The following FHIP1A variants were observed in gnomAD, a reference collection of about 807,000 sequenced individuals.
FHIP1A encodes the protein FHF complex subunit HOOK-interacting protein 1A.
FHIP1A carries 61 observed loss-of-function variants against 88.6 expected under a neutral mutation model. That is an observed-to-expected ratio of 0.69 (90% CI 0.56 to 0.85). The LOEUF is 0.85. FHIP1A is among the 40% of genes least tolerant of loss of function. FHIP1A has a pLI of 0.00. For synonymous variants in FHIP1A, 478 were observed against 496.0 expected (o/e 0.96, Z 0.48); for missense variants, 1,154 against 1,273.5 (o/e 0.91, Z 1.43).
intron 3 of FHIP1A, among the ~76,000 whole-genome samples, chr4:151,502,557 C>T (rs1406527582): frequency 6.6e-6 from 1 of 152,086 alleles, no homozygotes; most frequent in Non-Finnish European, 1.5e-5. Flanking sequence ...CAACAGGAAT[C>T]ACCCAATCTG....
chr4:151,471,781 C>G (rs1729521380), intron 2 of FHIP1A, among the ~76,000 whole-genome samples: 1 of 152,094 alleles, frequency 6.6e-6, no homozygotes, highest in Non-Finnish European at 1.5e-5. Flanking sequence ...CACCCATTCC[C>G]CCTGAGTCCC....
intron 2 of FHIP1A, among the ~76,000 whole-genome samples, chr4:151,460,110 T>C (rs1323612817): frequency 1.3e-5 from 2 of 152,156 alleles, no homozygotes; most frequent in African/African-American, 4.8e-5. Flanking sequence ...CTTTTTGATA[T>C]TTGAGGATAC....
At chr4:151,450,904 A>G (rs1367384799) in intron 1 of FHIP1A, among the ~76,000 whole-genome samples, 2 of 151,836 alleles carry the variant, frequency 1.3e-5, no homozygotes, top group African/African-American at 2.4e-5. Flanking sequence ...CAGCCTCCCA[A>G]GTAGTTGGGA....
chr4:151,638,671 TC>T lies in FHIP1A; in HGVS notation c.1147-3del. 1 of 1,540,440 alleles carries T rather than the reference TC, an allele frequency of 6.5e-7. No homozygotes were observed. The highest frequency in any genetic ancestry group is 8.8e-7 in the Non-Finnish European group (1 of 1,137,944). On this transcript the variant is annotated splice_region_variant and splice_polypyrimidine_tract_variant and intron_variant, in intron 8 of 13. Coordinates refer to ENST00000435205, the MANE Select transcript of FHIP1A (RefSeq NM_001109977.3). ...TGAACTAGAATGTGTGTCTCTTGCT[TC>T]CCAGCTTTGTGTGGTGTCTCTGGCA...
At chr4:151,429,150 A>G (rs1561490964) in intron 1 of FHIP1A, among the ~76,000 whole-genome samples, 1 of 148,318 alleles carries the variant, frequency 6.7e-6, no homozygotes, top group East Asian at 2.0e-4. Context: ...TTTTTTTCCC[A>G]TTAGACTTAC....
rs760512412 is a variant in FHIP1A, at chr4:151,594,863, G to A, written c.978+5937G>A. ...GCTGGGATTACAGGTGTGAGCCACC[G>A]CACCCAGCCACCTTTGTCATTTTTT... is the stretch of plus-strand genomic sequence containing the variant. On this transcript the variant is annotated intron_variant, in intron 7 of 13. Transcript: ENST00000435205. 5.3e-5 allele frequency among the ~76,000 whole-genome samples: 8 copies of A among 152,008 alleles called. No individual in the cohort carries two copies. The South Asian group carries it at 6.2e-4, about 12-fold the overall frequency.
chr4:151,571,177 C>T (rs888448552), intron 4 of FHIP1A, among the ~76,000 whole-genome samples: 21 of 152,218 alleles, frequency 1.4e-4, no homozygotes, highest in Non-Finnish European at 2.5e-4. Flanking sequence ...TCCTTTCAAG[C>T]ATTGAATTCC....
chr4:151,631,930 TAGTA>T (rs1471456702), intron 8 of FHIP1A, among the ~76,000 whole-genome samples: 20 of 152,090 alleles, frequency 1.3e-4, no homozygotes, highest in Non-Finnish European at 1.5e-5. Context: ...AAAATGGAAA[TAGTA>T]AGTCCTTCCA....
chr4:151,610,754 C>T (rs1419959148), intron 7 of FHIP1A, among the ~76,000 whole-genome samples: 1 of 152,138 alleles, frequency 6.6e-6, no homozygotes, highest in African/African-American at 2.4e-5. Context: ...TGCATGCCAC[C>T]TCCCAGATTC....
intron 1 of FHIP1A, among the ~76,000 whole-genome samples, chr4:151,411,141 T>C (rs1732621795): frequency 6.6e-6 from 1 of 152,196 alleles, no homozygotes; most frequent in South Asian, 2.1e-4. Context: ...TATTTTTACA[T>C]AGTCAGAGTG....
chr4:151,508,122 A>G (rs959514969), intron 3 of FHIP1A, among the ~76,000 whole-genome samples: 4 of 152,212 alleles, frequency 2.6e-5, no homozygotes, highest in African/African-American at 9.6e-5. Flanking sequence ...CAGAGATGGA[A>G]CTAGGTAGAT....
chr4:151,556,803 G>A (rs1732963207), intron 3 of FHIP1A, among the ~76,000 whole-genome samples: 1 of 152,108 alleles, frequency 6.6e-6, no homozygotes. Flanking sequence ...GTTTCCACCA[G>A]CCGCTCTCAT....
rs2126805346 is a variant in FHIP1A at position 151,586,706 on chromosome 4, G to A, written c.798G>A (p.Glu266=). ...CTACAAAGCTAGAAGAGAAAGGCGA[G>A]GAATGGCACTGCCTTCTGAAAGATG... The part of the protein sequence containing the change: ...SLPTKLEEKG[E]EWHCLLKDDW... The change falls in exon 6 of 14, where the codon GAG becomes GAA. Residue 266 remains glutamate, a synonymous_variant. Transcript: ENST00000435205. 1.3e-6 allele frequency: 2 copies of A among 1,551,198 alleles called. No individual in the cohort carries two copies. Among genetic ancestry groups the A allele is most frequent in the East Asian group, 4.9e-5 (2 of 40,918 alleles).
intron 2 of FHIP1A, among the ~76,000 whole-genome samples, chr4:151,472,560 A>G (rs1215086516): frequency 6.7e-6 from 1 of 149,382 alleles, no homozygotes; most frequent in Non-Finnish European, 1.5e-5. Flanking sequence ...AAGGATGTTT[A>G]TTACACTTTC....
At chr4:151,526,671 C>A (rs535208615) in intron 3 of FHIP1A, among the ~76,000 whole-genome samples, 85 of 151,380 alleles carry the variant, frequency 5.6e-4, no homozygotes, top group African/African-American at 1.9e-3. Flanking sequence ...GCTGACCCCC[C>A]CTCCTCCCTC....
At chr4:151,452,385 TTTAA>T (rs992671781) in intron 1 of FHIP1A, among the ~76,000 whole-genome samples, 1 of 152,180 alleles carries the variant, frequency 6.6e-6, no homozygotes, top group African/African-American at 2.4e-5. Flanking sequence ...ACCTCCAGAG[TTTAA>T]TTAAGCATTT....
rs1218548415 is a variant in FHIP1A, at chr4:151,667,993, A to G, written c.*5239A>G. Among the ~76,000 whole-genome samples the G allele has an allele frequency of 1.3e-5, 2 of 152,186 alleles. No individual in the cohort carries two copies. Among genetic ancestry groups the G allele is most frequent in the Non-Finnish European group, 2.9e-5 (2 of 68,032 alleles). On this transcript the variant is annotated 3_prime_UTR_variant, in exon 14 of 14. Transcript: ENST00000435205. ...GACTTTTTACTGGGACAAGTCTATG[A>G]AAGGCCCACCTGTAACAAGGCCCCT...
At chr4:151,658,692 C>T (rs1737341677) in intron 13 of FHIP1A, among the ~76,000 whole-genome samples, 1 of 152,154 alleles carries the variant, frequency 6.6e-6, no homozygotes, top group African/African-American at 2.4e-5. Flanking sequence ...AGAGCTGCAA[C>T]AAGTTGTGGG....
At chr4:151,487,602 C>T (rs1236370842) in intron 3 of FHIP1A, among the ~76,000 whole-genome samples, 2 of 152,180 alleles carry the variant, frequency 1.3e-5, no homozygotes, top group Admixed American at 1.3e-4. Flanking sequence ...TTCATATTCC[C>T]TGTATTGGTA....
Sources: gnomAD v4.1 joint callset for allele counts (sites outside exome capture counted in the v4.1 genomes callset) on GRCh38, gnomAD v4.1.1 for gene constraint, MANE v1.5 for transcripts, NCBI Gene and HGNC (gene_info 2026-07-23, HGNC 2026-07-21) for gene names.